MAP4K4: variants seen among roughly 807,000 people sequenced by gnomAD.
MAP4K4 encodes the protein mitogen-activated protein kinase kinase kinase kinase 4, also known as HPK/GCK-like kinase HGK.
MAP4K4 carries 38 observed loss-of-function variants against 189.6 expected under a neutral mutation model. That is an observed-to-expected ratio of 0.20 (90% confidence interval 0.15 to 0.26). MAP4K4 has a LOEUF of 0.26. Ranked by LOEUF, MAP4K4 falls within the 10% of genes least tolerant of loss-of-function variation. The pLI, the probability that MAP4K4 is intolerant of heterozygous loss-of-function variation, is 1.00. For missense variants in MAP4K4, 1,054 were observed against 1,726.9 expected (o/e 0.61, Z 6.91); for synonymous variants, 610 against 624.3 (o/e 0.98, Z 0.34).
chr2:101,776,602 T>C (rs1315058795), intron 2 of MAP4K4, among the ~76,000 whole-genome samples: 1 of 94,280 alleles, frequency 1.1e-5, no homozygotes, highest in Non-Finnish European at 1.9e-5. Flanking sequence ...AAAAACACTA[T>C]GGAAAATGTT....
intron 28 of MAP4K4, 75 bp downstream of exon 28, chr2:101,882,760 C>A: frequency 7.1e-7 from 1 of 1,404,066 alleles, no homozygotes; most frequent in Non-Finnish European, 9.6e-7. Flanking sequence ...TAAATTTTCA[C>A]AGGTTTTTTG....
intron 2 of MAP4K4, among the ~76,000 whole-genome samples, chr2:101,711,032 G>A (rs1385147611): frequency 6.6e-6 from 1 of 152,120 alleles, no homozygotes; most frequent in Non-Finnish European, 1.5e-5. Context: ...TTCTCATATG[G>A]GTGAAGGAGG....
intron 1 of MAP4K4, 86 bp from the exon 2 acceptor site, chr2:101,698,387 C>T (rs777098646): frequency 3.6e-5 from 46 of 1,268,694 alleles, no homozygotes; most frequent in Non-Finnish European, 4.8e-5. Context: ...CTTTTGTCAC[C>T]GCCTTTTCTC....
At chr2:101,822,524 A>G (rs1251886467) in intron 3 of MAP4K4, among the ~76,000 whole-genome samples, 1 of 152,210 alleles carries the variant, frequency 6.6e-6, no homozygotes, top group Non-Finnish European at 1.5e-5. Context: ...TGAAGTTCGT[A>G]TTTTAAAAAT....
At position 101,867,070 on chromosome 2, in the gene MAP4K4, C is replaced by G. The variant is rs1000312280; in HGVS notation, c.2357-142C>G. ...TGCTGGAGCCCTCCTTGGGCCCCCT[C>G]TGCTCTGTAATTCAGACCTGCAGGT... On this transcript the variant is annotated intron_variant, in intron 19 of 32. Transcript: ENST00000324219. 33 of 614,966 alleles carry G rather than the reference C, an allele frequency of 5.4e-5. No homozygotes were observed. In the Middle Eastern group the frequency reaches 8.4e-4, roughly 16 times the overall value. The allele number at this position is 614,966 out of a possible 1,614,324, so 38.1% of individuals were successfully genotyped here.
At chr2:101,876,920 T>TA (rs2098221609) in intron 26 of MAP4K4, 83 bp from the exon 27 acceptor site, 1 of 1,396,442 alleles carries the variant, frequency 7.2e-7, no homozygotes, top group Non-Finnish European at 9.9e-7. Flanking sequence ...TTTTTCCAAA[T>TA]AGATGATGTT....
At chr2:101,763,083 C>T (rs1300384400) in intron 2 of MAP4K4, among the ~76,000 whole-genome samples, 1 of 152,208 alleles carries the variant, frequency 6.6e-6, no homozygotes, top group African/African-American at 2.4e-5. Context: ...TGCTCTACTG[C>T]TCCTAGCCCC....
At chr2:101,786,061 A>G (rs927539855) in intron 2 of MAP4K4, among the ~76,000 whole-genome samples, 1 of 152,002 alleles carries the variant, frequency 6.6e-6, no homozygotes, top group Non-Finnish European at 1.5e-5. Flanking sequence ...CCTGACCTGA[A>G]GTGATCGCCT....
chr2:101,781,730 A>C (rs1009834957), intron 2 of MAP4K4, among the ~76,000 whole-genome samples: 3 of 152,124 alleles, frequency 2.0e-5, no homozygotes, highest in African/African-American at 7.2e-5. Flanking sequence ...CATTCAAACC[A>C]TAGCACCCTT....
chr2:101,797,889 G>GTTTTTTTTT lies in MAP4K4; in HGVS notation c.180+7126_180+7134dup, dbSNP rs58201235. 7.8e-3 allele frequency among the ~76,000 whole-genome samples: 409 copies of GTTTTTTTTT among 52,182 alleles called. 20 individuals are homozygous for GTTTTTTTTT. Among genetic ancestry groups the GTTTTTTTTT allele is most frequent in the South Asian group, 0.011 (14 of 1,242 alleles). The allele number at this position is 52,182 out of a possible 152,430, so 34.2% of individuals were successfully genotyped here. ...TGAAGCTTTTTAAAACATTCTTTTA[G>GTTTTTTTTT]TTTTTTTTTTTTTTTTTTTTTGGAG... On this transcript the variant is annotated intron_variant, in intron 3 of 32. Transcript: ENST00000324219.
intron 2 of MAP4K4, among the ~76,000 whole-genome samples, chr2:101,704,561 ATATATATTTTTTT>A (rs2041026365): frequency 7.4e-5 from 4 of 53,846 alleles, no homozygotes; most frequent in African/African-American, 2.4e-4. Flanking sequence ...ATATATATAT[ATATATATTTTTTT>A]TTTTTTTTTT....
chr2:101,812,401 T>G (rs545695465), intron 3 of MAP4K4, among the ~76,000 whole-genome samples: 2 of 152,346 alleles, frequency 1.3e-5, no homozygotes, highest in East Asian at 1.9e-4. Context: ...CGAGGCCTTC[T>G]TTTCATGTCT....
intron 2 of MAP4K4, among the ~76,000 whole-genome samples, chr2:101,766,897 G>A (rs1433193832): frequency 1.3e-5 from 2 of 152,170 alleles, no homozygotes; most frequent in Non-Finnish European, 2.9e-5. Flanking sequence ...TACTGAAAAT[G>A]AAAGCACACT....
At chr2:101,863,125 TA>T (rs1312782062) in intron 16 of MAP4K4, among the ~76,000 whole-genome samples, 20 of 152,192 alleles carry the variant, frequency 1.3e-4, no homozygotes, top group Admixed American at 1.3e-3. Context: ...ACCCCAACAA[TA>T]GTCAATTCAG....
Position 101,869,798 on chromosome 2 carries a change from G to T in MAP4K4, c.2639+1G>T. The stretch of plus-strand genomic sequence containing the variant: ...CAGGACCAGAGGACACCAGAGCAGC[G>T]TCAGTCCCCGGTCTCTTTTAGAGCG... On this transcript the variant is annotated splice_donor_variant, in intron 22 of 32. Transcript: ENST00000324219. LOFTEE classifies it high-confidence loss of function. The T allele has an allele frequency of 6.5e-7, 1 of 1,548,088 alleles. No homozygotes were observed. Among genetic ancestry groups the T allele is most frequent in the Non-Finnish European group, 8.7e-7 (1 of 1,146,070 alleles).
intron 27 of MAP4K4, among the ~76,000 whole-genome samples, chr2:101,878,377 G>A (rs1426044456): frequency 6.6e-6 from 1 of 152,134 alleles, no homozygotes; most frequent in Non-Finnish European, 1.5e-5. Context: ...ATATCTACCT[G>A]TCCATGGCAA....
At chr2:101,700,832 C>G (rs2038128591) in intron 2 of MAP4K4, among the ~76,000 whole-genome samples, 1 of 148,826 alleles carries the variant, frequency 6.7e-6, no homozygotes, top group Non-Finnish European at 1.5e-5. Context: ...CAAGCGGGTA[C>G]TGGGAACTTC....
At chr2:101,872,396 G>A (rs951675404) in intron 24 of MAP4K4, among the ~76,000 whole-genome samples, 4 of 152,150 alleles carry the variant, frequency 2.6e-5, no homozygotes, top group African/African-American at 9.7e-5. Flanking sequence ...TGAAGGCTTG[G>A]TTGTGGTGCT....
chr2:101,885,442 T>TTA (rs1258793674), intron 29 of MAP4K4, among the ~76,000 whole-genome samples, 155 bp downstream of exon 29: 1 of 152,182 alleles, frequency 6.6e-6, no homozygotes, highest in Non-Finnish European at 1.5e-5. Flanking sequence ...ATTTCTAATG[T>TTA]AATAAGCTTA....
Sources: allele counts gnomAD v4.1 joint callset (sites outside exome capture counted in the v4.1 genomes callset), GRCh38; gene constraint gnomAD v4.1.1; transcripts MANE v1.5; gene names NCBI Gene and HGNC (gene_info 2026-07-23, HGNC 2026-07-21).